Variants in SEPTIN9 observed in about 807,000 individuals in gnomAD.
SEPTIN9 encodes septin-9.
Under a neutral mutation model 56.6 loss-of-function variants are expected in SEPTIN9, and 13 were observed. The ratio of observed to expected loss-of-function variants is 0.23; its 90% CI spans 0.15 to 0.37. SEPTIN9 has a LOEUF of 0.37. Ranked by LOEUF, SEPTIN9 falls within the 10% of genes least tolerant of loss-of-function variation. The probability of loss-of-function intolerance (pLI) is 1.00; values close to 1 mark genes in which losing one functional copy is unlikely to be tolerated. For missense variants in SEPTIN9, 650 were observed against 823.1 expected (o/e 0.79, Z 2.57); for synonymous variants, 332 against 334.1 (o/e 0.99, Z 0.07).
At chr17:77,444,386 T>C (rs2037658288) in intron 3 of SEPTIN9, among the ~76,000 whole-genome samples, 1 of 151,354 alleles carries the variant, frequency 6.6e-6, no homozygotes, top group Non-Finnish European at 1.5e-5. Flanking sequence ...GGGTGGAAAC[T>C]AACCTTGTGG....
intron 3 of SEPTIN9, among the ~76,000 whole-genome samples, chr17:77,408,928 G>GCC (rs1418754268): frequency 1.3e-5 from 2 of 152,146 alleles, no homozygotes; most frequent in Non-Finnish European, 2.9e-5. Context: ...TAAGGCAGGG[G>GCC]GCCTTGGTAA....
chr17:77,304,203 G>A (rs1304397274), intron 1 of SEPTIN9, among the ~76,000 whole-genome samples: 3 of 152,176 alleles, frequency 2.0e-5, no homozygotes, highest in African/African-American at 7.2e-5. Flanking sequence ...TGGCGGCAGC[G>A]GCTGCGCTGA....
chr17:77,293,099 C>T (rs1222674019), intron 1 of SEPTIN9, among the ~76,000 whole-genome samples: 1 of 152,118 alleles, frequency 6.6e-6, no homozygotes, highest in African/African-American at 2.4e-5. Flanking sequence ...TCATGGCAGC[C>T]TTGAACTCCT....
chr17:77,373,737 C>G (rs774939664), intron 2 of SEPTIN9: 7 of 1,232,376 alleles, frequency 5.7e-6, no homozygotes, highest in Non-Finnish European at 7.4e-6. Context: ...GCGCCGCCTA[C>G]GTGGGGGACC....
chr17:77,302,333 GTCTT>G (rs2143572233), intron 1 of SEPTIN9, among the ~76,000 whole-genome samples: 1 of 152,062 alleles, frequency 6.6e-6, no homozygotes, highest in Admixed American at 6.6e-5. Flanking sequence ...CATGCTCTAT[GTCTT>G]TCTTATATCT....
chr17:77,293,344 T>G (rs910453240), intron 1 of SEPTIN9, among the ~76,000 whole-genome samples: 1 of 152,138 alleles, frequency 6.6e-6, no homozygotes, highest in Non-Finnish European at 1.5e-5. Flanking sequence ...TGTGTGTGTG[T>G]AAAGACAAGG....
In SEPTIN9 at chr17:77,436,176, A is replaced by G. The variant is rs1027471182; in HGVS notation, c.721+33473A>G. On this transcript the variant is annotated intron_variant, in intron 3 of 11. Transcript: ENST00000427177. This position sits in a 1 kb window ranked among gnomAD's most constrained non-coding sequence, Gnocchi z 4.4. The stretch of plus-strand genomic sequence containing the variant: ...TGCTGGAAGCCAACGTGCACGAAAG[A>G]GTTAATGGTGGATCCCATTTCCTCA... Among the ~76,000 whole-genome samples the G allele has an allele frequency of 2.0e-5, 3 of 152,012 alleles. No individual in the cohort carries two copies. The highest frequency in any genetic ancestry group is 6.5e-5 in the Admixed American group (1 of 15,276).
Position 77,385,611 on chromosome 17 carries a change from C to T in SEPTIN9, c.77-16448C>T, listed in dbSNP as rs142139735. Among the ~76,000 whole-genome samples, 498 of 152,318 alleles carry T rather than the reference C, an allele frequency of 3.3e-3. 1 individual carries two copies. Among genetic ancestry groups the T allele is most frequent in the African/African-American group, 0.011 (473 of 41,564 alleles). ...AACACATCACCCAACCTAATCTCCC[C>T]CTAGGATTGAGAGATGAGGAAGCAG... On this transcript the variant is annotated intron_variant, in intron 2 of 11. Coordinates refer to ENST00000427177, the MANE Select transcript of SEPTIN9 (RefSeq NM_001113491.2).
rs1422766313 is a variant in SEPTIN9, at chr17:77,371,988, A to G, written c.77-30071A>G. Among the ~76,000 whole-genome samples the G allele has an allele frequency of 2.0e-5, 3 of 152,100 alleles. No individual in the cohort carries two copies. The highest frequency in any genetic ancestry group is 1.3e-4 in the Admixed American group (2 of 15,276). ...GGCTGGAGAGTCTCAGCACTCCTGC[A>G]CATTTGGGATATTTCAGAGGGGGTG... On this transcript the variant is annotated intron_variant, in intron 2 of 11. Coordinates refer to ENST00000427177, the MANE Select transcript of SEPTIN9 (RefSeq NM_001113491.2). The surrounding 1 kb of genome is among the most constrained non-coding windows in gnomAD (Gnocchi z 4.1).
At chr17:77,374,946 G>A (rs998984304) in intron 2 of SEPTIN9, 2 of 152,262 alleles carry the variant, frequency 1.3e-5, no homozygotes, top group African/African-American at 4.8e-5. Context: ...GCTTAGTGGT[G>A]AAAGCCCTTT....
intron 3 of SEPTIN9, among the ~76,000 whole-genome samples, chr17:77,406,565 C>T (rs981951770): frequency 2.0e-5 from 3 of 151,996 alleles, no homozygotes; most frequent in Non-Finnish European, 4.4e-5. Flanking sequence ...TGTAAGCCAG[C>T]GATATCCATG....
chr17:77,415,140 G>A lies in SEPTIN9; in HGVS notation c.721+12437G>A, dbSNP rs538527941. Among the ~76,000 whole-genome samples the A allele has an allele frequency of 3.9e-5, 6 of 152,112 alleles. No individual in the cohort carries two copies. The South Asian group carries it at 8.3e-4, about 21-fold the overall frequency. On this transcript the variant is annotated intron_variant, in intron 3 of 11. Coordinates refer to ENST00000427177, the MANE Select transcript of SEPTIN9 (RefSeq NM_001113491.2). ...AATGCTGGTCACCACCCACTAGATC[G>A]TTTTCTTGGCCCACAGGGTGGGACA...
Position 77,402,983 on chromosome 17 carries a change from G to T in SEPTIN9, c.721+280G>T, listed in dbSNP as rs919234221. On this transcript the variant is annotated intron_variant, in intron 3 of 11. Coordinates refer to ENST00000427177, the MANE Select transcript of SEPTIN9 (RefSeq NM_001113491.2). The surrounding 1 kb of genome is among the most constrained non-coding windows in gnomAD (Gnocchi z 6.6). ...GAGCCTCCTTTATGGGTCACCGTGG[G>T]CCTTGCTGGGACCTCTGTCTGCTGT... Among the ~76,000 whole-genome samples the T allele has an allele frequency of 6.6e-6, 1 of 152,158 alleles. No individual in the cohort carries two copies. The highest frequency in any genetic ancestry group is 2.4e-5 in the African/African-American group (1 of 41,428).
Position 77,437,373 on chromosome 17 carries a change from G to A in SEPTIN9, c.721+34670G>A, listed in dbSNP as rs988340001. On this transcript the variant is annotated intron_variant, in intron 3 of 11. Coordinates refer to ENST00000427177, the MANE Select transcript of SEPTIN9 (RefSeq NM_001113491.2). This position sits in a 1 kb window ranked among gnomAD's most constrained non-coding sequence, Gnocchi z 5.3. ...CCCCACGCCCCCAGGAGCTCCCTAT[G>A]GGGAAGCCGGAATGGACCTGGGCTC... Among the ~76,000 whole-genome samples, 1 of 152,164 alleles carries A rather than the reference G, an allele frequency of 6.6e-6. No homozygotes were observed. The highest frequency in any genetic ancestry group is 2.4e-5 in the African/African-American group (1 of 41,424).
intron 2 of SEPTIN9, among the ~76,000 whole-genome samples, chr17:77,364,234 C>A (rs2034504814): frequency 6.6e-6 from 1 of 152,214 alleles, no homozygotes. Flanking sequence ...GTTCTGTTCC[C>A]AAGGCGGCAG....
intron 2 of SEPTIN9, among the ~76,000 whole-genome samples, chr17:77,354,707 G>A (rs913804644): frequency 6.6e-6 from 1 of 152,124 alleles, no homozygotes; most frequent in African/African-American, 2.4e-5. Flanking sequence ...GTCCTCCTGA[G>A]GCCAATTCCC....
chr17:77,419,110 C>A (rs2036604785), intron 3 of SEPTIN9, among the ~76,000 whole-genome samples: 1 of 152,238 alleles, frequency 6.6e-6, no homozygotes, highest in Admixed American at 6.5e-5. Context: ...CCTCTCCTTA[C>A]CTCTTGGCCA....
At chr17:77,444,759 T>G in intron 3 of SEPTIN9, 2 of 215,642 alleles carry the variant, frequency 9.3e-6, no homozygotes, top group Non-Finnish European at 1.9e-5. Flanking sequence ...GCCATGAGGA[T>G]TTTTTCAAGA....
chr17:77,461,517 CT>C (rs1454064686), intron 3 of SEPTIN9, among the ~76,000 whole-genome samples: 4 of 152,204 alleles, frequency 2.6e-5, no homozygotes, highest in Non-Finnish European at 5.9e-5. Flanking sequence ...AAGGACGACG[CT>C]GTCCCTGCTC....
Sources: allele counts gnomAD v4.1 joint callset (sites outside exome capture counted in the v4.1 genomes callset), GRCh38; gene constraint gnomAD v4.1.1; non-coding constraint Gnocchi (gnomAD v3.1); transcripts MANE v1.5; gene names NCBI Gene and HGNC (gene_info 2026-07-23, HGNC 2026-07-21).